FYB2: variants seen among roughly 807,000 people sequenced by gnomAD.
FYB2 encodes the protein FYN-binding protein 2.
FYB2 carries 103 observed loss-of-function variants against 94.1 expected under a neutral mutation model. The ratio of observed to expected loss-of-function variants is 1.09; its 90% confidence interval spans 0.93 to 1.29. The LOEUF is 1.29. FYB2 is among the 50% of genes most tolerant of loss of function. The pLI, the probability that FYB2 is intolerant of heterozygous loss-of-function variation, is 0.00. For missense variants in FYB2, 896 were observed against 841.5 expected, an observed-to-expected ratio of 1.06 and a Z score of -0.80; for synonymous variants, 293 against 287.9, an observed-to-expected ratio of 1.02 and a Z score of -0.18.
At chr1:56,823,061 G>A (rs1647001614), upstream of FYB2, among the ~76,000 whole-genome samples, 1 of 152,162 alleles carries the variant, frequency 6.6e-6, no homozygotes, top group Non-Finnish European at 1.5e-5. Context: ...AGAGTCTATT[G>A]TGTAGCAGGC....
intron 5 of FYB2, among the ~76,000 whole-genome samples, chr1:56,759,688 G>A (rs1645442164): frequency 6.6e-6 from 1 of 152,094 alleles, no homozygotes. Flanking sequence ...GGGTGTTTCA[G>A]ACAAATTACT....
At chr1:56,814,027 G>A (rs917021582) in intron 1 of FYB2, among the ~76,000 whole-genome samples, 26 of 152,154 alleles carry the variant, frequency 1.7e-4, no homozygotes, top group African/African-American at 6.3e-4. Flanking sequence ...CTGATCAAAG[G>A]GCCTAGGGTC....
chr1:56,736,424 CTTTTTT>C (rs59242700), intron 15 of FYB2, among the ~76,000 whole-genome samples: 1 of 120,008 alleles, frequency 8.3e-6, no homozygotes, highest in African/African-American at 3.3e-5. Flanking sequence ...TTAAGGATGG[CTTTTTT>C]TTTTTTTTTT....
At chr1:56,738,124 C>T (rs2100586596) in intron 14 of FYB2, among the ~76,000 whole-genome samples, 1 of 152,172 alleles carries the variant, frequency 6.6e-6, no homozygotes, top group South Asian at 2.1e-4. Context: ...AAGCACCGTG[C>T]TAATTTATGC....
chr1:56,814,966 A>T (rs1646848764), intron 1 of FYB2, among the ~76,000 whole-genome samples: 1 of 152,178 alleles, frequency 6.6e-6, no homozygotes, highest in Non-Finnish European at 1.5e-5. Context: ...TCAGAGCATG[A>T]CAAGACCTCA....
intron 4 of FYB2, among the ~76,000 whole-genome samples, chr1:56,782,868 C>A (rs948184291): frequency 5.9e-5 from 9 of 152,108 alleles, no homozygotes; most frequent in African/African-American, 1.9e-4. Flanking sequence ...ATCTCTGACA[C>A]TTCTTAATGA....
intron 9 of FYB2, among the ~76,000 whole-genome samples, chr1:56,745,206 TC>T (rs994598101): frequency 4.6e-5 from 7 of 151,964 alleles, no homozygotes; most frequent in Non-Finnish European, 8.8e-5. Flanking sequence ...CCTCAATCCT[TC>T]CTTTTGGCTG....
At chr1:56,772,085 C>A (rs4141547) in intron 4 of FYB2, among the ~76,000 whole-genome samples, 54 of 151,876 alleles carry the variant, frequency 3.6e-4, no homozygotes, top group African/African-American at 1.2e-3. Context: ...GTTCCCCTCC[C>A]CCTTCATAAA....
chr1:56,781,938 G>A (rs1224331494), intron 4 of FYB2, among the ~76,000 whole-genome samples: 1 of 152,092 alleles, frequency 6.6e-6, no homozygotes, highest in African/African-American at 2.4e-5. Flanking sequence ...TAACTGGGCT[G>A]GGTCCTTATT....
At chr1:56,723,269 A>C (rs554272852) in intron 17 of FYB2, among the ~76,000 whole-genome samples, 71 of 152,006 alleles carry the variant, frequency 4.7e-4, no homozygotes, top group African/African-American at 1.6e-3. Flanking sequence ...TCAGTGTTAC[A>C]AAAGACGTGT....
intron 5 of FYB2, among the ~76,000 whole-genome samples, chr1:56,761,321 A>T (rs1299769962): frequency 6.6e-6 from 1 of 152,192 alleles, no homozygotes; most frequent in African/African-American, 2.4e-5. Context: ...CTCAATGACA[A>T]TCACTACTAA....
intron 3 of FYB2, 26 bp downstream of exon 3, chr1:56,788,947 G>A (rs372477727): frequency 1.2e-6 from 2 of 1,613,808 alleles, no homozygotes; most frequent in East Asian, 2.2e-5. Context: ...GGTTGGCCTT[G>A]TGTAGGGCCC....
rs527935284 is a variant in FYB2, at chr1:56,727,457, G to A, written c.1794-874C>T. Among the ~76,000 whole-genome samples, 21 of 151,904 alleles carry A rather than the reference G, an allele frequency of 1.4e-4. No individual in the cohort carries two copies. The South Asian group carries it at 4.4e-3, about 32-fold the overall frequency. On this transcript the variant is annotated intron_variant, in intron 15 of 19. Coordinates refer to ENST00000343433, the MANE Select transcript of FYB2 (RefSeq NM_001004303.5). ...TCTACCTCAATACTTATCAACAATC[G>A]AATGGATAAATGAATTATGGTATAC...
chr1:56,761,397 C>T (rs1283446799), intron 5 of FYB2, among the ~76,000 whole-genome samples: 1 of 152,148 alleles, frequency 6.6e-6, no homozygotes, highest in Non-Finnish European at 1.5e-5. Context: ...TAAGATCACT[C>T]AGGTAAGAAA....
At chr1:56,822,776 G>C (rs745747011), upstream of FYB2, among the ~76,000 whole-genome samples, 29 of 149,934 alleles carry the variant, frequency 1.9e-4, no homozygotes, top group Non-Finnish European at 1.6e-4. Context: ...ATTTAAAACA[G>C]ATCTGAAAAT....
intron 6 of FYB2, among the ~76,000 whole-genome samples, chr1:56,757,709 TC>T (rs1216211334): frequency 5.5e-5 from 6 of 108,774 alleles, no homozygotes; most frequent in African/African-American, 1.4e-4. Context: ...TTTCTTTCTT[TC>T]TTTCTTTCTT....
chr1:56,740,577 G>T, intron 13 of FYB2, 120 bp downstream of exon 13: 2 of 558,724 alleles, frequency 3.6e-6, no homozygotes, highest in Non-Finnish European at 6.3e-6. Flanking sequence ...ATGATGGCCA[G>T]ACCCTTGGTT....
intron 1 of FYB2, among the ~76,000 whole-genome samples, chr1:56,806,178 T>C (rs1452572254): frequency 2.6e-5 from 4 of 152,148 alleles, no homozygotes; most frequent in Non-Finnish European, 5.9e-5. Context: ...AAACAGACGA[T>C]GACAACACCT....
intron 4 of FYB2, among the ~76,000 whole-genome samples, chr1:56,779,578 A>G (rs920444297): frequency 1.3e-5 from 2 of 152,340 alleles, no homozygotes; most frequent in East Asian, 3.9e-4. Context: ...CAAAATGTAT[A>G]CAGAACAGAA....
Sources: allele counts gnomAD v4.1 joint callset (sites outside exome capture counted in the v4.1 genomes callset), GRCh38; gene constraint gnomAD v4.1.1; transcripts MANE v1.5; gene names NCBI Gene and HGNC (gene_info 2026-07-23, HGNC 2026-07-21).